Variants in SNTG2 observed in about 807,000 individuals in gnomAD.
SNTG2 encodes gamma-2-syntrophin.
In SNTG2, 74 loss-of-function variants were observed where a neutral mutation model predicts 70.9. The ratio of observed to expected loss-of-function variants is 1.04; its 90% confidence interval spans 0.86 to 1.27. The LOEUF (loss-of-function observed/expected upper bound fraction) is 1.27, where lower values mean the gene tolerates loss of function less well. Among genes scored for constraint, SNTG2 ranks in the 50% most tolerant of loss-of-function variants. The pLI is 0.00. For synonymous variants in SNTG2, 278 were observed against 273.8 expected (o/e 1.02, Z -0.15); for missense variants, 717 against 690.7 (o/e 1.04, Z -0.43).
intron 11 of SNTG2, chr2:1,242,677 A>G (rs1677126981): frequency 6.6e-6 from 1 of 152,162 alleles, no homozygotes; most frequent in East Asian, 1.9e-4. Flanking sequence ...CTTAATTGCC[A>G]AATCTCCCTG....
At position 1,073,726 on chromosome 2, in the gene SNTG2, A is replaced by G. The variant is rs544489657; in HGVS notation, c.73-9792A>G. Among the ~76,000 whole-genome samples, 106 of 152,348 alleles carry G rather than the reference A, an allele frequency of 7.0e-4. 1 individual carries two copies. The highest frequency in any genetic ancestry group is 2.5e-3 in the African/African-American group (103 of 41,584). Reference sequence around the variant, plus strand: ...AATGTTCCCTATTATTGAACATTAAAACCTTTTTTCCCTTAAATGTTTTTG... The same window carrying G: ...AATGTTCCCTATTATTGAACATTAAGACCTTTTTTCCCTTAAATGTTTTTG... On this transcript the variant is annotated intron_variant, in intron 1 of 16. Transcript: ENST00000308624.
Position 1,031,524 on chromosome 2 carries a change from ATATAT to A in SNTG2, c.73-51992_73-51988del, listed in dbSNP as rs1466942626. ...AGTTCATTGTTATATATATATATATATATATTTTTTTTTTTTTTTTTTTTGAGGCG... is the reference window on the plus strand; with the variant it reads ...AGTTCATTGTTATATATATATATATATTTTTTTTTTTTTTTTTTTGAGGCG... On this transcript the variant is annotated intron_variant, in intron 1 of 16. Transcript: ENST00000308624. Among the ~76,000 whole-genome samples the A allele has an allele frequency of 1.6e-3, 73 of 45,476 alleles. 1 individual carries two copies. The highest frequency in any genetic ancestry group is 2.3e-3 in the Admixed American group (8 of 3,410). The allele number at this position is 45,476 out of a possible 152,430, so 29.8% of individuals were successfully genotyped here. A position where few individuals can be genotyped will look rare whatever the true frequency, so the allele number is the denominator to read the frequency against.
intron 9 of SNTG2, among the ~76,000 whole-genome samples, chr2:1,231,542 G>A (rs571667847): frequency 2.0e-5 from 3 of 152,284 alleles, no homozygotes; most frequent in South Asian, 2.1e-4. Flanking sequence ...CTGTGCCCTC[G>A]CTCCAGATGG....
intron 4 of SNTG2, among the ~76,000 whole-genome samples, chr2:1,124,850 G>A (rs914652012): frequency 6.6e-6 from 1 of 152,148 alleles, no homozygotes; most frequent in Admixed American, 6.5e-5. Flanking sequence ...ACAAGTAGGC[G>A]AGCGAGTTGA....
intron 1 of SNTG2, among the ~76,000 whole-genome samples, 154 bp from the exon 2 acceptor site, chr2:1,083,364 A>G (rs1664466349): frequency 6.6e-6 from 1 of 152,152 alleles, no homozygotes; most frequent in Non-Finnish European, 1.5e-5. Flanking sequence ...GCATAAATGA[A>G]TCAAATCCTT....
chr2:1,240,058 T>G lies in SNTG2; in HGVS notation c.888+282T>G, dbSNP rs568267896. ...GGCAGTTATGTTTTGTAAAGAATCGTGATTTAAATGATGATTTAGATATGA... is the reference window on the plus strand; with the variant it reads ...GGCAGTTATGTTTTGTAAAGAATCGGGATTTAAATGATGATTTAGATATGA... On this transcript the variant is annotated intron_variant, in intron 11 of 16. Coordinates refer to ENST00000308624, the MANE Select transcript of SNTG2 (RefSeq NM_018968.4). 4.6e-5 allele frequency among the ~76,000 whole-genome samples: 7 copies of G among 152,330 alleles called. No individual in the cohort carries two copies. The South Asian group carries it at 1.5e-3, about 32-fold the overall frequency.
intron 1 of SNTG2, among the ~76,000 whole-genome samples, chr2:961,494 C>T (rs1348629831): frequency 6.6e-6 from 1 of 152,160 alleles, no homozygotes; most frequent in Non-Finnish European, 1.5e-5. Context: ...CCACGGTGTG[C>T]CCAGGAAATG....
intron 4 of SNTG2, among the ~76,000 whole-genome samples, chr2:1,135,796 G>A (rs1668347841): frequency 6.6e-6 from 1 of 152,172 alleles, no homozygotes; most frequent in African/African-American, 2.4e-5. Flanking sequence ...CTTTCCATAA[G>A]TAGCTAAAGT....
chr2:1,152,321 G>A (rs1428334190), intron 6 of SNTG2, among the ~76,000 whole-genome samples: 2 of 152,220 alleles, frequency 1.3e-5, no homozygotes, highest in African/African-American at 2.4e-5. Flanking sequence ...GAAACAGAGC[G>A]AGTAGGAAAG....
rs185848802 is a variant in SNTG2 at position 1,327,712 on chromosome 2, A to G, written c.1488+11337A>G. Reference sequence around the variant, plus strand: ...AGTTAAATGCAAGCATAATTTACTGATAACTCCAAAAACAGTTGTTTTTAT... The same window carrying G: ...AGTTAAATGCAAGCATAATTTACTGGTAACTCCAAAAACAGTTGTTTTTAT... On this transcript the variant is annotated intron_variant, in intron 16 of 16. Coordinates refer to ENST00000308624, the MANE Select transcript of SNTG2 (RefSeq NM_018968.4). Among the ~76,000 whole-genome samples, 5 of 152,356 alleles carry G rather than the reference A, an allele frequency of 3.3e-5. No individual in the cohort carries two copies. The East Asian group carries it at 9.6e-4, about 29-fold the overall frequency.
intron 8 of SNTG2, among the ~76,000 whole-genome samples, chr2:1,205,814 T>C (rs1252712561): frequency 6.6e-6 from 1 of 152,234 alleles, no homozygotes; most frequent in Non-Finnish European, 1.5e-5. Context: ...ATTTTTTTGA[T>C]TGACAATCTT....
At chr2:1,273,123 G>A (rs1558621646) in intron 14 of SNTG2, among the ~76,000 whole-genome samples, 1 of 152,058 alleles carries the variant, frequency 6.6e-6, no homozygotes, top group Non-Finnish European at 1.5e-5. Flanking sequence ...TGCCCGCCTC[G>A]GGGAACGGGA....
chr2:1,147,944 TAAAAG>T (rs1460543787), intron 6 of SNTG2, among the ~76,000 whole-genome samples: 1 of 152,250 alleles, frequency 6.6e-6, no homozygotes, highest in Admixed American at 6.5e-5. Flanking sequence ...AATGTGATTT[TAAAAG>T]AAGAGAGCCA....
intron 14 of SNTG2, among the ~76,000 whole-genome samples, chr2:1,283,773 G>A (rs1024479445): frequency 1.3e-5 from 2 of 152,188 alleles, no homozygotes; most frequent in African/African-American, 4.8e-5. Flanking sequence ...TGCTCCTGCA[G>A]AAGCTCAGCA....
At chr2:1,305,846 T>C (rs1282812939) in intron 14 of SNTG2, among the ~76,000 whole-genome samples, 5 of 152,210 alleles carry the variant, frequency 3.3e-5, no homozygotes, top group African/African-American at 7.2e-5. Context: ...TGGAGTAACT[T>C]TGTCCTGTGC....
chr2:1,263,245 T>C (rs1678541887), intron 13 of SNTG2, among the ~76,000 whole-genome samples: 1 of 152,218 alleles, frequency 6.6e-6, no homozygotes, highest in African/African-American at 2.4e-5. Context: ...AGAAATATTT[T>C]AAAATCTTAC....
chr2:1,156,494 G>A (rs1669905156), intron 6 of SNTG2, among the ~76,000 whole-genome samples: 4 of 152,212 alleles, frequency 2.6e-5, no homozygotes, highest in African/African-American at 4.8e-5. Context: ...AGGTTGAGGC[G>A]TGTCCTGCCC....
chr2:1,219,405 G>T (rs905099388), intron 9 of SNTG2, among the ~76,000 whole-genome samples: 1 of 152,198 alleles, frequency 6.6e-6, no homozygotes, highest in African/African-American at 2.4e-5. Flanking sequence ...ATGGAATAAG[G>T]AATGACTGAA....
chr2:983,185 CAG>C (rs984328279), intron 1 of SNTG2, among the ~76,000 whole-genome samples: 4 of 111,312 alleles, frequency 3.6e-5, no homozygotes, highest in African/African-American at 1.4e-4. Flanking sequence ...GGCTTTTTAG[CAG>C]AAGCTGCAGA....
Sources: gnomAD v4.1 joint callset for allele counts (sites outside exome capture counted in the v4.1 genomes callset) on GRCh38, gnomAD v4.1.1 for gene constraint, MANE v1.5 for transcripts, NCBI Gene and HGNC (gene_info 2026-07-23, HGNC 2026-07-21) for gene names.